The following MEGF11 variants were observed in gnomAD, a reference collection of about 807,000 sequenced individuals.
The protein encoded by MEGF11 is multiple EGF like domains 11.
In MEGF11, 126 loss-of-function variants were observed where a neutral mutation model predicts 146.6. The observed-to-expected ratio is 0.86, with a 90% confidence interval of 0.74 to 1.00. MEGF11 has a LOEUF of 1.00. Ranked by LOEUF, MEGF11 falls within the 50% of genes least tolerant of loss-of-function variation. The probability of loss-of-function intolerance (pLI) is 0.00; values close to 1 mark genes in which losing one functional copy is unlikely to be tolerated. For synonymous variants in MEGF11, 532 were observed against 583.4 expected (o/e 0.91, Z 1.27); for missense variants, 1,509 against 1,521.2 (o/e 0.99, Z 0.13).
At chr15:65,924,552 T>C (rs188455127) in intron 13 of MEGF11, among the ~76,000 whole-genome samples, 331 of 151,990 alleles carry the variant, frequency 2.2e-3, no homozygotes, top group African/African-American at 6.5e-3. Flanking sequence ...CATAAAACTG[T>C]TCAAGGTTTT....
At chr15:65,911,771 A>T (rs1175914110) in intron 21 of MEGF11, among the ~76,000 whole-genome samples, 19 of 152,200 alleles carry the variant, frequency 1.2e-4, no homozygotes, top group Non-Finnish European at 2.8e-4. Context: ...CTACATGATT[A>T]TAGGTGATAA....
chr15:66,113,273 C>T (rs973318699), intron 4 of MEGF11, among the ~76,000 whole-genome samples: 2 of 152,106 alleles, frequency 1.3e-5, no homozygotes, highest in Non-Finnish European at 2.9e-5. Context: ...CCAAGCCAGC[C>T]GGGCCCATCA....
At chr15:66,171,784 G>A (rs1001762653) in intron 1 of MEGF11, among the ~76,000 whole-genome samples, 4 of 126,086 alleles carry the variant, frequency 3.2e-5, no homozygotes, top group African/African-American at 1.2e-4. Context: ...CACCCCCAGC[G>A]CTCACCCTCT....
At chr15:66,235,505 G>GA (rs34276626) in intron 1 of MEGF11, among the ~76,000 whole-genome samples, 38,904 of 119,340 alleles carry the variant, frequency 0.33, 5,862 homozygotes, top group Middle Eastern at 0.4. Flanking sequence ...CTGTCTCAAA[G>GA]AAAAAAAAAA....
At chr15:65,911,075 C>T (rs911542166) in intron 21 of MEGF11, among the ~76,000 whole-genome samples, 1 of 151,096 alleles carries the variant, frequency 6.6e-6, no homozygotes, top group Non-Finnish European at 1.5e-5. Flanking sequence ...CATCCTTGCC[C>T]AAGGGCCTGT....
At chr15:66,177,747 G>A (rs929948626) in intron 1 of MEGF11, among the ~76,000 whole-genome samples, 2 of 151,176 alleles carry the variant, frequency 1.3e-5, no homozygotes, top group South Asian at 2.1e-4. Flanking sequence ...TGCAGTGGCG[G>A]AATCACAGCT....
chr15:66,018,133 G>T (rs183217115), intron 5 of MEGF11, among the ~76,000 whole-genome samples: 3 of 152,302 alleles, frequency 2.0e-5, no homozygotes, highest in Admixed American at 1.3e-4. Flanking sequence ...GGAAAAGGAA[G>T]GGCAGTCCAC....
intron 5 of MEGF11, among the ~76,000 whole-genome samples, chr15:66,066,245 C>T (rs545180024): frequency 4.3e-4 from 66 of 152,062 alleles, no homozygotes; most frequent in South Asian, 2.3e-3. Context: ...AAGAGGAGGC[C>T]GAGAGACGCC....
chr15:66,187,783 G>A (rs1597142023), intron 1 of MEGF11, among the ~76,000 whole-genome samples: 1 of 152,118 alleles, frequency 6.6e-6, no homozygotes, highest in Non-Finnish European at 1.5e-5. Context: ...CATCCTTAAC[G>A]AAGAGTCCCA....
At chr15:65,965,604 T>TC (rs1567180071) in intron 8 of MEGF11, among the ~76,000 whole-genome samples, 4 of 16,674 alleles carry the variant, frequency 2.4e-4, no homozygotes, top group Non-Finnish European at 8.0e-4. Context: ...TTCTTTCTTT[T>TC]TTTTTTTTCT....
chr15:66,106,780 G>A (rs957645804), intron 4 of MEGF11, among the ~76,000 whole-genome samples: 1 of 152,172 alleles, frequency 6.6e-6, no homozygotes, highest in Non-Finnish European at 1.5e-5. Context: ...GAGCAGATAT[G>A]CCCCTTCCTC....
chr15:66,076,666 G>A (rs1441879031), intron 5 of MEGF11, among the ~76,000 whole-genome samples: 1 of 152,194 alleles, frequency 6.6e-6, no homozygotes, highest in Non-Finnish European at 1.5e-5. Context: ...TCAGGAGACA[G>A]TAAGGCTGTA....
chr15:66,217,961 T>A (rs1382783017), intron 1 of MEGF11, among the ~76,000 whole-genome samples: 5 of 152,186 alleles, frequency 3.3e-5, no homozygotes, highest in Admixed American at 2.6e-4. Context: ...AAATTCGGTG[T>A]CCTGAAGCCA....
At chr15:66,084,312 C>A (rs1369702705) in intron 5 of MEGF11, among the ~76,000 whole-genome samples, 2 of 152,164 alleles carry the variant, frequency 1.3e-5, no homozygotes, top group African/African-American at 2.4e-5. Context: ...GGGATCATGG[C>A]AGATGGGAGG....
At position 65,916,130 on chromosome 15, in the gene MEGF11, G is replaced by A. The variant is rs201139943; in HGVS notation, c.2344+18C>T. On this transcript the variant is annotated intron_variant, in intron 18 of 25. Transcript: ENST00000395614. ...GGCCCAGCAGCATCACCCAGGATCAGGGGTCAGGGCAGCTTACTCTGCTCA... is the reference window on the plus strand; with the variant it reads ...GGCCCAGCAGCATCACCCAGGATCAAGGGTCAGGGCAGCTTACTCTGCTCA... 5.3e-4 allele frequency: 829 copies of A among 1,572,008 alleles called. 2 individuals carry two copies. Among genetic ancestry groups the A allele is most frequent in the Middle Eastern group, 6.9e-4 (4 of 5,784 alleles).
chr15:66,090,209 T>C (rs978459033), intron 5 of MEGF11, among the ~76,000 whole-genome samples: 1 of 150,358 alleles, frequency 6.7e-6, no homozygotes, highest in Admixed American at 6.6e-5. Flanking sequence ...ATAAATCCAT[T>C]GGCAGCCACA....
chr15:65,999,348 A>G (rs1055184120), intron 5 of MEGF11, among the ~76,000 whole-genome samples: 2 of 151,988 alleles, frequency 1.3e-5, no homozygotes, highest in African/African-American at 2.4e-5. Flanking sequence ...TTCCTTAAAG[A>G]CCCTGAAGAC....
intron 1 of MEGF11, among the ~76,000 whole-genome samples, chr15:66,185,060 T>C (rs1039834451): frequency 2.6e-5 from 4 of 152,182 alleles, no homozygotes; most frequent in Non-Finnish European, 4.4e-5. Context: ...GGGTCTGTTC[T>C]GCAGCCAACA....
At chr15:66,090,115 T>C (rs933429597) in intron 5 of MEGF11, among the ~76,000 whole-genome samples, 1 of 152,164 alleles carries the variant, frequency 6.6e-6, no homozygotes, top group African/African-American at 2.4e-5. Context: ...AAATTTCAGC[T>C]AGGGGCTTAT....
Sources: gnomAD v4.1 joint callset for allele counts (sites outside exome capture counted in the v4.1 genomes callset) on GRCh38, gnomAD v4.1.1 for gene constraint, MANE v1.5 for transcripts, NCBI Gene and HGNC (gene_info 2026-07-23, HGNC 2026-07-21) for gene names.